The following LRFN2 variants were observed in gnomAD, a reference collection of about 807,000 sequenced individuals.
The protein encoded by LRFN2 is leucine-rich repeat and fibronectin type-III domain-containing protein 2.
LRFN2 carries 18 observed loss-of-function variants against 37.3 expected under a neutral mutation model. The observed-to-expected ratio is 0.48, with a 90% CI of 0.33 to 0.72. The LOEUF (loss-of-function observed/expected upper bound fraction) is 0.72. Ranked by LOEUF, LRFN2 falls within the 30% of genes least tolerant of loss-of-function variation. The probability of loss-of-function intolerance (pLI) is 0.02; values close to 1 mark genes in which losing one functional copy is unlikely to be tolerated. For missense variants in LRFN2, 1,006 were observed against 1,060.7 expected, an observed-to-expected ratio of 0.95 and a Z score of 0.72; for synonymous variants, 556 against 466.6, an observed-to-expected ratio of 1.19 and a Z score of -2.47.
At chr6:40,512,994 C>T (rs954033636) in intron 1 of LRFN2, among the ~76,000 whole-genome samples, 1 of 152,138 alleles carries the variant, frequency 6.6e-6, no homozygotes, top group African/African-American at 2.4e-5. Flanking sequence ...TGTTTATAAA[C>T]GTCAGGCCTG....
chr6:40,556,514 C>T (rs1158260596), intron 1 of LRFN2, among the ~76,000 whole-genome samples: 1 of 152,108 alleles, frequency 6.6e-6, no homozygotes, highest in Non-Finnish European at 1.5e-5. Flanking sequence ...CACCTGCACC[C>T]TGATTCTGCA....
chr6:40,533,104 G>C (rs949030106), intron 1 of LRFN2, among the ~76,000 whole-genome samples: 6 of 151,984 alleles, frequency 3.9e-5, no homozygotes, highest in African/African-American at 1.4e-4. Flanking sequence ...TTTACCCATT[G>C]AGTATTTTAT....
At chr6:40,402,360 C>T (rs1762757144) in intron 2 of LRFN2, among the ~76,000 whole-genome samples, 1 of 152,160 alleles carries the variant, frequency 6.6e-6, no homozygotes. Flanking sequence ...CATGATCTTC[C>T]CTATGCTGTA....
chr6:40,482,200 C>T (rs1764846640), intron 1 of LRFN2, among the ~76,000 whole-genome samples: 1 of 152,184 alleles, frequency 6.6e-6, no homozygotes, highest in Admixed American at 6.5e-5. Flanking sequence ...GAAACCTTGG[C>T]TTCTGAAACT....
intron 1 of LRFN2, among the ~76,000 whole-genome samples, chr6:40,572,363 C>T (rs1427220913): frequency 6.6e-6 from 1 of 152,194 alleles, no homozygotes; most frequent in Admixed American, 6.5e-5. Flanking sequence ...GGCCATTATC[C>T]AGTTCATTAG....
At chr6:40,548,291 A>T (rs1766701130) in intron 1 of LRFN2, among the ~76,000 whole-genome samples, 1 of 152,178 alleles carries the variant, frequency 6.6e-6, no homozygotes, top group Non-Finnish European at 1.5e-5. Context: ...AACACAAAAA[A>T]TTAGCTGGAC....
At chr6:40,540,772 C>A (rs560851284) in intron 1 of LRFN2, among the ~76,000 whole-genome samples, 1 of 152,316 alleles carries the variant, frequency 6.6e-6, no homozygotes, top group East Asian at 1.9e-4. Flanking sequence ...CCTGGGGACA[C>A]ACACACCACG....
At chr6:40,515,660 G>A (rs983784666) in intron 1 of LRFN2, among the ~76,000 whole-genome samples, 13 of 152,262 alleles carry the variant, frequency 8.5e-5, no homozygotes, top group Admixed American at 1.3e-4. Flanking sequence ...AGGCCAAGGC[G>A]GGCGGATTGC....
chr6:40,492,787 T>C (rs1283303990), intron 1 of LRFN2, among the ~76,000 whole-genome samples: 2 of 151,944 alleles, frequency 1.3e-5, no homozygotes, highest in East Asian at 3.9e-4. Context: ...CAGAACCAGT[T>C]CCGAAGCCCA....
intron 2 of LRFN2, among the ~76,000 whole-genome samples, chr6:40,405,266 T>A (rs1200136255): frequency 1.3e-5 from 2 of 152,178 alleles, no homozygotes; most frequent in Non-Finnish European, 2.9e-5. Context: ...GGCAGCAGGG[T>A]ACAGTGGATA....
At chr6:40,508,292 G>A (rs539436146) in intron 1 of LRFN2, among the ~76,000 whole-genome samples, 121 of 152,336 alleles carry the variant, frequency 7.9e-4, no homozygotes, top group South Asian at 5.2e-3. Context: ...CCTCCTGCCA[G>A]CCATCCTGCA....
At chr6:40,486,574 G>C (rs1044481731) in intron 1 of LRFN2, among the ~76,000 whole-genome samples, 3 of 152,126 alleles carry the variant, frequency 2.0e-5, no homozygotes, top group Admixed American at 2.0e-4. Flanking sequence ...AACTTGCTGG[G>C]CACTTCTCTG....
intron 1 of LRFN2, among the ~76,000 whole-genome samples, chr6:40,436,755 C>G (rs1451532390): frequency 6.6e-6 from 1 of 152,200 alleles, no homozygotes; most frequent in Non-Finnish European, 1.5e-5. Flanking sequence ...TTCTTGGTCT[C>G]TACTTGCTGG....
chr6:40,402,748 A>G (rs1007235364), intron 2 of LRFN2, among the ~76,000 whole-genome samples: 1 of 152,180 alleles, frequency 6.6e-6, no homozygotes, highest in African/African-American at 2.4e-5. Flanking sequence ...AAGTACATCT[A>G]ATAATTGTGC....
chr6:40,532,373 A>G (rs1766359534), intron 1 of LRFN2, among the ~76,000 whole-genome samples: 2 of 152,164 alleles, frequency 1.3e-5, no homozygotes, highest in Admixed American at 6.5e-5. Flanking sequence ...TTTGTTTTAT[A>G]TTTGTTCAAT....
intron 1 of LRFN2, among the ~76,000 whole-genome samples, chr6:40,571,856 C>T (rs1400224731): frequency 1.3e-5 from 2 of 152,212 alleles, no homozygotes; most frequent in East Asian, 3.9e-4. Flanking sequence ...TCCAGACTCC[C>T]AGCCTGGTGC....
chr6:40,467,550 C>T (rs1259566584), intron 1 of LRFN2, among the ~76,000 whole-genome samples: 1 of 152,100 alleles, frequency 6.6e-6, no homozygotes, highest in East Asian at 1.9e-4. Flanking sequence ...TCCAGAGTAG[C>T]AATACAACAG....
intron 1 of LRFN2, among the ~76,000 whole-genome samples, chr6:40,459,393 G>C (rs1020766201): frequency 3.9e-5 from 6 of 152,250 alleles, no homozygotes; most frequent in African/African-American, 1.4e-4. Context: ...ACCAAATAGA[G>C]TAAGAAGCTT....
intron 1 of LRFN2, among the ~76,000 whole-genome samples, chr6:40,522,842 G>A (rs1412683692): frequency 6.6e-6 from 1 of 152,220 alleles, no homozygotes; most frequent in Admixed American, 6.5e-5. Flanking sequence ...TGCCTTCCCT[G>A]AGCCTGTGTC....
Sources: allele counts gnomAD v4.1 joint callset (sites outside exome capture counted in the v4.1 genomes callset), GRCh38; gene constraint gnomAD v4.1.1; transcripts MANE v1.5; gene names NCBI Gene and HGNC (gene_info 2026-07-23, HGNC 2026-07-21).